The following ZNF804B variants were observed in gnomAD, a reference collection of about 807,000 sequenced individuals.
The protein encoded by ZNF804B is zinc finger protein 804B, also known as zinc finger 804B.
A neutral mutation model predicts 101.4 loss-of-function variants in ZNF804B; 80 were observed. That is an observed-to-expected ratio of 0.79 (90% CI 0.66 to 0.95). ZNF804B has a LOEUF of 0.95. Ranked by LOEUF, ZNF804B falls within the 40% of genes least tolerant of loss-of-function variation. The probability of loss-of-function intolerance (pLI) is 0.00; values close to 1 mark genes in which losing one functional copy is unlikely to be tolerated. For missense variants in ZNF804B, 1,673 were observed against 1,561.9 expected, an observed-to-expected ratio of 1.07 and a Z score of -1.20; for synonymous variants, 622 against 558.8, an observed-to-expected ratio of 1.11 and a Z score of -1.59.
At chr7:89,235,969 G>T (rs374204668) in intron 2 of ZNF804B, among the ~76,000 whole-genome samples, 1 of 152,088 alleles carries the variant, frequency 6.6e-6, no homozygotes, top group South Asian at 2.1e-4. Flanking sequence ...CATTCTTTAT[G>T]TATGTTTTGT....
chr7:89,056,903 C>CCT (rs1789304638), intron 1 of ZNF804B, among the ~76,000 whole-genome samples: 1 of 152,074 alleles, frequency 6.6e-6, no homozygotes, highest in Admixed American at 6.6e-5. Context: ...AACCTCAAAT[C>CCT]TATCTTCCAG....
intron 1 of ZNF804B, among the ~76,000 whole-genome samples, chr7:88,782,826 G>A (rs1790249988): frequency 6.6e-6 from 1 of 152,082 alleles, no homozygotes; most frequent in Admixed American, 6.6e-5. Flanking sequence ...AATATCTTTA[G>A]CAGCAAGCAT....
intron 2 of ZNF804B, among the ~76,000 whole-genome samples, chr7:89,287,065 G>A (rs1405535255): frequency 1.3e-5 from 2 of 151,872 alleles, no homozygotes; most frequent in Non-Finnish European, 2.9e-5. Context: ...TTAATGAATA[G>A]TAAATATATT....
intron 3 of ZNF804B, among the ~76,000 whole-genome samples, chr7:89,330,285 A>G (rs2115989596): frequency 6.6e-6 from 1 of 151,724 alleles, no homozygotes; most frequent in African/African-American, 2.4e-5. Context: ...AAGATGAATA[A>G]GTTTTGAGGA....
chr7:89,221,868 G>C (rs1180944775), intron 2 of ZNF804B, among the ~76,000 whole-genome samples: 6 of 151,842 alleles, frequency 4.0e-5, no homozygotes, highest in African/African-American at 1.2e-4. Context: ...GGTTTCTACT[G>C]TGTGCTACTG....
chr7:88,922,402 A>C (rs1792731262), intron 1 of ZNF804B, among the ~76,000 whole-genome samples: 1 of 151,978 alleles, frequency 6.6e-6, no homozygotes, highest in Non-Finnish European at 1.5e-5. Flanking sequence ...TATCGAACTA[A>C]AGTTTACATT....
At chr7:89,199,612 C>A (rs866399550) in intron 1 of ZNF804B, among the ~76,000 whole-genome samples, 3 of 151,770 alleles carry the variant, frequency 2.0e-5, no homozygotes, top group Non-Finnish European at 4.4e-5. Flanking sequence ...GTGCCCCACA[C>A]CCATGAGAAA....
intron 1 of ZNF804B, among the ~76,000 whole-genome samples, chr7:89,147,529 C>T (rs1250748987): frequency 6.6e-6 from 1 of 151,972 alleles, no homozygotes. Context: ...ATTTCACATA[C>T]ACAGAACAAG....
intron 2 of ZNF804B, among the ~76,000 whole-genome samples, chr7:89,280,457 A>C (rs1030715271): frequency 2.6e-4 from 39 of 152,220 alleles, no homozygotes; most frequent in South Asian, 1.0e-3. Context: ...TCAAAAAATT[A>C]ATGAATCCAG....
intron 2 of ZNF804B, among the ~76,000 whole-genome samples, chr7:89,287,336 G>A (rs558792787): frequency 6.6e-6 from 1 of 152,116 alleles, no homozygotes; most frequent in African/African-American, 2.4e-5. Context: ...GCACACACAC[G>A]TATGTATGTA....
At chr7:89,020,005 G>A (rs965606523) in intron 1 of ZNF804B, among the ~76,000 whole-genome samples, 18 of 151,856 alleles carry the variant, frequency 1.2e-4, no homozygotes, top group Admixed American at 6.6e-4. Context: ...TCATCATTTC[G>A]CTTCATATTT....
At chr7:89,005,072 C>T (rs533587882) in intron 1 of ZNF804B, among the ~76,000 whole-genome samples, 2 of 151,976 alleles carry the variant, frequency 1.3e-5, no homozygotes, top group Non-Finnish European at 2.9e-5. Flanking sequence ...TGGGCTTCAT[C>T]TTTTCTTACT....
chr7:88,854,843 G>T lies in ZNF804B; in HGVS notation c.108+94759G>T, dbSNP rs187365606. On this transcript the variant is annotated intron_variant, in intron 1 of 3. Transcript: ENST00000333190. ...GTGTTCAATTCCCACCTATGAGTGA[G>T]AACACGTGGTGTTTGGTTTTTTGTC... Among the ~76,000 whole-genome samples the T allele has an allele frequency of 2.4e-3, 349 of 145,750 alleles. 2 individuals are homozygous for T. Among genetic ancestry groups the T allele is most frequent in the African/African-American group, 8.5e-3 (334 of 39,150 alleles).
At chr7:88,920,904 C>T (rs1008696283) in intron 1 of ZNF804B, among the ~76,000 whole-genome samples, 3 of 151,858 alleles carry the variant, frequency 2.0e-5, no homozygotes, top group Admixed American at 6.6e-5. Flanking sequence ...TAAGTATTTG[C>T]GTGCAACCCA....
chr7:88,817,758 AT>A (rs916783863), intron 1 of ZNF804B, among the ~76,000 whole-genome samples: 3 of 152,186 alleles, frequency 2.0e-5, no homozygotes, highest in Admixed American at 2.0e-4. Flanking sequence ...TTCCAGTAAC[AT>A]TTTTAAAGAG....
intron 1 of ZNF804B, among the ~76,000 whole-genome samples, chr7:89,177,097 AT>A (rs1278295767): frequency 6.6e-6 from 1 of 151,760 alleles, no homozygotes; most frequent in Non-Finnish European, 1.5e-5. Flanking sequence ...TTTCATTGAT[AT>A]TTTGTATTTT....
At chr7:89,217,373 T>C (rs537321159) in intron 1 of ZNF804B, among the ~76,000 whole-genome samples, 12 of 152,280 alleles carry the variant, frequency 7.9e-5, no homozygotes, top group Non-Finnish European at 1.6e-4. Flanking sequence ...CCCATGAGTG[T>C]GTAATCTCTC....
intron 2 of ZNF804B, among the ~76,000 whole-genome samples, chr7:89,301,164 A>G (rs1019445875): frequency 7.1e-6 from 1 of 141,024 alleles, no homozygotes; most frequent in Non-Finnish European, 1.5e-5. Context: ...ACAATGCATC[A>G]ACAAAAAATT....
Position 89,154,957 on chromosome 7 carries a change from C to T in ZNF804B, c.109-63198C>T, listed in dbSNP as rs529460997. Among the ~76,000 whole-genome samples the T allele has an allele frequency of 3.3e-5, 5 of 151,950 alleles. No individual in the cohort carries two copies. In the South Asian group the frequency reaches 1.0e-3, roughly 32 times the overall value. On this transcript the variant is annotated intron_variant, in intron 1 of 3. Transcript: ENST00000333190. ...CTTGAGAGGATGGATACCCATTTCC[C>T]ATGATGCGATTATTACATATTACAT...
Sources: gnomAD v4.1 joint callset for allele counts (sites outside exome capture counted in the v4.1 genomes callset) on GRCh38, gnomAD v4.1.1 for gene constraint, MANE v1.5 for transcripts, NCBI Gene and HGNC (gene_info 2026-07-23, HGNC 2026-07-21) for gene names.